The following RGS6 variants were observed in gnomAD, a reference collection of about 807,000 sequenced individuals.
The protein encoded by RGS6 is regulator of G-protein signaling 6.
A neutral mutation model predicts 78.5 loss-of-function variants in RGS6; 30 were observed. The observed-to-expected ratio is 0.38, with a 90% confidence interval of 0.29 to 0.52. The LOEUF is 0.52. Among genes scored for constraint, RGS6 ranks in the 20% least tolerant of loss-of-function variants. RGS6 has a pLI of 0.85. For synonymous variants in RGS6, 206 were observed against 206.0 expected (o/e 1.00, Z 0.00); for missense variants, 495 against 609.7 (o/e 0.81, Z 1.98).
At chr14:72,308,677 A>T (rs2067830061) in intron 2 of RGS6, among the ~76,000 whole-genome samples, 1 of 152,236 alleles carries the variant, frequency 6.6e-6, no homozygotes. Flanking sequence ...AAAATGCAGG[A>T]TTCTCATACA....
chr14:72,007,623 C>T (rs1268412891), intron 2 of RGS6, among the ~76,000 whole-genome samples: 1 of 151,950 alleles, frequency 6.6e-6, no homozygotes, highest in African/African-American at 2.4e-5. Flanking sequence ...ATGTGCGGAC[C>T]AAGACAGTTC....
chr14:72,541,760 G>A (rs1275895804), intron 17 of RGS6: 1 of 878,330 alleles, frequency 1.1e-6, no homozygotes, highest in African/African-American at 1.7e-5. Context: ...GCTCTTGAGG[G>A]TGACCGTGCA....
At chr14:71,874,024 A>T in the RGS6 span, among the ~76,000 whole-genome samples, 1 of 152,186 alleles carries the variant, frequency 6.6e-6, no homozygotes, top group South Asian at 2.1e-4. Flanking sequence ...TACCAACACC[A>T]TGCTGTTTTG....
intron 3 of RGS6, among the ~76,000 whole-genome samples, chr14:72,416,025 G>C (rs2093784888): frequency 6.6e-6 from 1 of 151,882 alleles, no homozygotes; most frequent in Non-Finnish European, 1.5e-5. Context: ...TTGCGTGCCT[G>C]TAATCCCAGC....
chr14:72,163,036 G>A (rs1423558800), intron 2 of RGS6, among the ~76,000 whole-genome samples: 3 of 152,076 alleles, frequency 2.0e-5, no homozygotes, highest in Non-Finnish European at 4.4e-5. Flanking sequence ...AATGAACTTC[G>A]GGGACTTGGG....
intron 2 of RGS6, among the ~76,000 whole-genome samples, chr14:72,101,730 C>T (rs1356561896): frequency 2.0e-5 from 3 of 152,158 alleles, no homozygotes; most frequent in Non-Finnish European, 4.4e-5. Context: ...AATTGTGTAT[C>T]TCCAAAACTT....
intron 2 of RGS6, among the ~76,000 whole-genome samples, chr14:72,148,175 C>T: frequency 6.9e-6 from 1 of 144,142 alleles, no homozygotes; most frequent in Non-Finnish European, 1.5e-5. Context: ...AGGAGGGTCA[C>T]TTGAGGCCAG....
intron 10 of RGS6, 28 bp from the exon 11 acceptor site, chr14:72,476,714 G>A (rs199889788): frequency 1.9e-6 from 3 of 1,603,922 alleles, no homozygotes; most frequent in Admixed American, 1.7e-5. Flanking sequence ...GTGGGTGGAT[G>A]ATCCTCTGTG....
intron 2 of RGS6, among the ~76,000 whole-genome samples, chr14:72,056,225 G>A (rs541798631): frequency 2.6e-5 from 4 of 152,220 alleles, no homozygotes; most frequent in African/African-American, 2.4e-5. Context: ...AGAAGCCTGC[G>A]CCGTGTCACA....
At chr14:72,219,148 C>T (rs148972473) in intron 2 of RGS6, among the ~76,000 whole-genome samples, 2 of 152,084 alleles carry the variant, frequency 1.3e-5, no homozygotes, top group East Asian at 3.9e-4. Flanking sequence ...TACTAATTTA[C>T]ATTATGAGGG....
At chr14:71,977,870 C>T (rs1407297529) in intron 2 of RGS6, among the ~76,000 whole-genome samples, 31 of 152,082 alleles carry the variant, frequency 2.0e-4, no homozygotes, top group East Asian at 5.8e-4. Context: ...GCCATTTTCA[C>T]GATATTGATT....
intron 3 of RGS6, among the ~76,000 whole-genome samples, chr14:72,385,057 A>T (rs2087501740): frequency 6.6e-6 from 1 of 152,010 alleles, no homozygotes; most frequent in Non-Finnish European, 1.5e-5. Context: ...GCCGGTTTGC[A>T]TATTTGTAAC....
intron 2 of RGS6, among the ~76,000 whole-genome samples, chr14:72,286,750 T>C (rs572754415): frequency 6.6e-6 from 1 of 152,286 alleles, no homozygotes; most frequent in South Asian, 2.1e-4. Flanking sequence ...CCTAGGTATT[T>C]TATTCTTTTT....
At chr14:71,916,176 T>C in the RGS6 span, among the ~76,000 whole-genome samples, 3 of 152,214 alleles carry the variant, frequency 2.0e-5, no homozygotes, top group South Asian at 6.2e-4. Flanking sequence ...CTTTTGTGGT[T>C]TGTAGATGTG....
At chr14:72,165,765 C>T (rs557681147) in intron 2 of RGS6, among the ~76,000 whole-genome samples, 10 of 152,188 alleles carry the variant, frequency 6.6e-5, no homozygotes, top group South Asian at 4.2e-4. Context: ...TGTTTTTGCT[C>T]GGAATCATTC....
intron 1 of RGS6, among the ~76,000 whole-genome samples, chr14:71,938,307 C>T (rs1462648777): frequency 6.6e-6 from 1 of 152,218 alleles, no homozygotes; most frequent in Admixed American, 6.5e-5. Flanking sequence ...GGCTACAGCC[C>T]ATGAATTGAT....
chr14:71,981,719 G>A lies in RGS6; in HGVS notation c.84+16844G>A, dbSNP rs2094466130. Among the ~76,000 whole-genome samples, 3 of 151,452 alleles carry A rather than the reference G, an allele frequency of 2.0e-5. No individual in the cohort carries two copies. The South Asian group carries it at 6.3e-4, about 32-fold the overall frequency. ...TCAGACAGGGACATTTAAGTCTGCA[G>A]AGGTTACTGCTGTCTTTTTGTTTGT... On this transcript the variant is annotated intron_variant, in intron 2 of 17. Transcript: ENST00000553525.
chr14:72,365,094 A>G (rs1049062497), intron 3 of RGS6, among the ~76,000 whole-genome samples: 1 of 152,222 alleles, frequency 6.6e-6, no homozygotes, highest in Non-Finnish European at 1.5e-5. Flanking sequence ...CAAATAAATC[A>G]ACAAACACAT....
At chr14:72,463,619 G>A (rs1362267843) in intron 6 of RGS6, among the ~76,000 whole-genome samples, 1 of 152,238 alleles carries the variant, frequency 6.6e-6, no homozygotes, top group East Asian at 1.9e-4. Flanking sequence ...AAAACCCACA[G>A]TCAAATCCAG....
Sources: allele counts gnomAD v4.1 joint callset (sites outside exome capture counted in the v4.1 genomes callset), GRCh38; gene constraint gnomAD v4.1.1; transcripts MANE v1.5; gene names NCBI Gene and HGNC (gene_info 2026-07-23, HGNC 2026-07-21).